The following RALGAPA1 variants were observed in gnomAD, a reference collection of about 807,000 sequenced individuals.
The protein encoded by RALGAPA1 is Ral GTPase activating protein catalytic subunit alpha 1.
RALGAPA1 carries 52 observed loss-of-function variants against 269.6 expected under a neutral mutation model. That is an observed-to-expected ratio of 0.19 (90% CI 0.15 to 0.24). The LOEUF (loss-of-function observed/expected upper bound fraction) is 0.24. Among genes scored for constraint, RALGAPA1 ranks in the 10% least tolerant of loss-of-function variants. RALGAPA1 has a pLI of 1.00. For synonymous variants in RALGAPA1, 817 were observed against 1,008.3 expected (o/e 0.81, Z 3.60); for missense variants, 1,917 against 3,013.9 (o/e 0.64, Z 8.52).
At chr14:35,568,413 A>G (rs2056886396) in intron 39 of RALGAPA1, among the ~76,000 whole-genome samples, 1 of 152,204 alleles carries the variant, frequency 6.6e-6, no homozygotes, top group South Asian at 2.1e-4. Context: ...TATTACAATG[A>G]GATAAAAATC....
chr14:35,681,182 C>T (rs1365877956), intron 21 of RALGAPA1, among the ~76,000 whole-genome samples: 1 of 152,162 alleles, frequency 6.6e-6, no homozygotes, highest in Non-Finnish European at 1.5e-5. Context: ...ATGCAAACTT[C>T]ACTCTTGGAA....
chr14:35,634,592 G>A lies in RALGAPA1; in HGVS notation c.5977C>T (p.Leu1993Phe). 1 of 1,611,954 alleles carries A rather than the reference G, an allele frequency of 6.2e-7. No individual in the cohort carries two copies. Among genetic ancestry groups the A allele is most frequent in the Admixed American group, 1.7e-5 (1 of 59,848 alleles). Reference protein sequence around the residue: ...HSPDSERSSKLQPVTEVKTQM... With the variant: ...HSPDSERSSKFQPVTEVKTQM... Reference sequence around the variant, plus strand: ...ATGTTACCTTCTGTTACTGGCTGGAGTTTAGAAGATCGTTCTGAGTCAGGA... The same window carrying A: ...ATGTTACCTTCTGTTACTGGCTGGAATTTAGAAGATCGTTCTGAGTCAGGA... Residue 1993 changes from leucine to phenylalanine, a missense_variant, in exon 33 of 42, where the codon CTC (leucine) becomes TTC (phenylalanine). Physicochemically the swap from Leu to Phe is conservative, Grantham distance 22. This residue lies in a region of RALGAPA1 where 346 missense variants were observed against 566.1 expected (regional missense o/e 0.61). Coordinates refer to ENST00000680220, the MANE Select transcript of RALGAPA1 (RefSeq NM_001346249.2).
chr14:35,664,597 T>A (rs746859701), intron 27 of RALGAPA1, 45 bp downstream of exon 27: 1 of 1,473,208 alleles, frequency 6.8e-7, no homozygotes, highest in Non-Finnish European at 9.3e-7. Context: ...TACTTTATGA[T>A]TATAAAATCA....
At chr14:35,554,506 C>T (rs2055383706) in intron 39 of RALGAPA1, among the ~76,000 whole-genome samples, 1 of 150,664 alleles carries the variant, frequency 6.6e-6, no homozygotes, top group Non-Finnish European at 1.5e-5. Flanking sequence ...GCCACTACGC[C>T]CGGCTAATTT....
Position 35,688,618 on chromosome 14 carries a change from G to A in RALGAPA1, c.3793C>T (p.Gln1265Ter). The A allele has an allele frequency of 7.2e-6, 11 of 1,535,006 alleles. No individual in the cohort carries two copies. Among genetic ancestry groups the A allele is most frequent in the Non-Finnish European group, 5.2e-6 (6 of 1,146,674 alleles). The change falls in exon 18 of 42, where the codon CAG becomes TAG. Residue 1265 changes from glutamine to a stop codon, truncating the protein, a stop_gained. Transcript: ENST00000680220. LOFTEE classifies it high-confidence loss of function. ...TAAACGCCACCCAGGGAGCCCTGCT[G>A]TAGTCCTGCCTCATGACTTGATGAC... ...LRSSSHEAGLQQGSLGGVYKT... is the reference protein window; with the variant it reads ...LRSSSHEAGL
At chr14:35,697,370 G>A (rs1269543162) in intron 17 of RALGAPA1, among the ~76,000 whole-genome samples, 3 of 150,940 alleles carry the variant, frequency 2.0e-5, no homozygotes, top group Admixed American at 6.6e-5. Context: ...TTTTTGAGAC[G>A]GAGTCTTGCT....
chr14:35,613,066 T>A (rs2060054673), intron 35 of RALGAPA1, among the ~76,000 whole-genome samples: 1 of 151,886 alleles, frequency 6.6e-6, no homozygotes, highest in Non-Finnish European at 1.5e-5. Context: ...AGACCAATTT[T>A]ATTTTATTTT....
At chr14:35,782,110 GACAA>G (rs2075475342) in intron 1 of RALGAPA1, among the ~76,000 whole-genome samples, 1 of 152,084 alleles carries the variant, frequency 6.6e-6, no homozygotes, top group Admixed American at 6.6e-5. Context: ...CTATCTGACT[GACAA>G]ACAAGCTCAA....
chr14:35,737,786 A>G (rs2141111475), intron 12 of RALGAPA1, among the ~76,000 whole-genome samples: 1 of 139,262 alleles, frequency 7.2e-6, no homozygotes, highest in South Asian at 2.3e-4. Context: ...AAAAAAAAAA[A>G]AAAAAAAAGA....
chr14:35,692,771 GAATTATGTC>G (rs2066597539), intron 17 of RALGAPA1, among the ~76,000 whole-genome samples: 2 of 151,928 alleles, frequency 1.3e-5, no homozygotes, highest in African/African-American at 4.8e-5. Context: ...CAAGAGGGCT[GAATTATGTC>G]AATACAAATG....
chr14:35,619,872 A>G (rs953627831), intron 35 of RALGAPA1, among the ~76,000 whole-genome samples: 1 of 152,274 alleles, frequency 6.6e-6, no homozygotes, highest in Admixed American at 6.5e-5. Context: ...TACAAACCAA[A>G]AACAGTCCAG....
chr14:35,559,037 G>A (rs1331512221), intron 39 of RALGAPA1, among the ~76,000 whole-genome samples: 2 of 152,224 alleles, frequency 1.3e-5, no homozygotes, highest in South Asian at 2.1e-4. Context: ...TATGTGAAAT[G>A]CAAAGCTTCA....
intron 1 of RALGAPA1, among the ~76,000 whole-genome samples, chr14:35,793,092 G>A (rs1018363905): frequency 1.3e-5 from 2 of 152,112 alleles, no homozygotes; most frequent in African/African-American, 4.8e-5. Flanking sequence ...AACTCCAGCT[G>A]CAGTCCCAAC....
intron 1 of RALGAPA1, among the ~76,000 whole-genome samples, chr14:35,796,688 T>C (rs1342214574): frequency 1.3e-5 from 2 of 151,558 alleles, no homozygotes; most frequent in Non-Finnish European, 2.9e-5. Flanking sequence ...AGACTTCTTA[T>C]CAGAAACAAT....
chr14:35,726,783 A>G (rs923402334), intron 13 of RALGAPA1, among the ~76,000 whole-genome samples: 6 of 152,210 alleles, frequency 3.9e-5, no homozygotes, highest in African/African-American at 1.4e-4. Context: ...CAGAAAGAAA[A>G]AAAAGGACTA....
At chr14:35,607,466 C>G (rs1412381207) in intron 35 of RALGAPA1, among the ~76,000 whole-genome samples, 5 of 152,216 alleles carry the variant, frequency 3.3e-5, no homozygotes, top group African/African-American at 1.2e-4. Flanking sequence ...CCCTCCCTCT[C>G]TTAGGGCAGA....
chr14:35,592,844 A>G (rs2138959539), intron 37 of RALGAPA1, among the ~76,000 whole-genome samples: 1 of 152,318 alleles, frequency 6.6e-6, no homozygotes, highest in African/African-American at 2.4e-5. Context: ...GTATAGAAGG[A>G]AAGTTCTTCA....
intron 17 of RALGAPA1, 113 bp downstream of exon 17, chr14:35,700,049 A>T: frequency 1.1e-6 from 1 of 936,622 alleles, no homozygotes; most frequent in Non-Finnish European, 1.5e-6. Context: ...CCACTTTCCC[A>T]CACCTCCCCC....
chr14:35,687,356 G>A (rs1256580359), intron 18 of RALGAPA1, among the ~76,000 whole-genome samples: 1 of 152,066 alleles, frequency 6.6e-6, no homozygotes, highest in Non-Finnish European at 1.5e-5. Context: ...CTATTGAAAA[G>A]TTGATTTCTC....
Sources: gnomAD v4.1 joint callset for allele counts (sites outside exome capture counted in the v4.1 genomes callset) on GRCh38, gnomAD v4.1.1 for gene constraint, gnomAD v4.1.1 regional missense constraint, MANE v1.5 for transcripts, NCBI Gene and HGNC (gene_info 2026-07-23, HGNC 2026-07-21) for gene names.